Variants in HHLA1 observed in about 807,000 individuals in gnomAD.
HHLA1 encodes HHLA1 neighbor of OC90, also known as HERV-H LTR-associating protein 1.
A neutral mutation model predicts 69.9 loss-of-function variants in HHLA1; 72 were observed. The ratio of observed to expected loss-of-function variants is 1.03; its 90% CI spans 0.85 to 1.25. The LOEUF is 1.25. HHLA1 is among the 50% of genes most tolerant of loss of function. HHLA1 has a pLI of 0.00. For missense variants in HHLA1, 685 were observed against 642.2 expected (o/e 1.07, Z -0.72); for synonymous variants, 252 against 233.2 (o/e 1.08, Z -0.73).
chr8:132,097,843 C>T (rs1373438981), intron 5 of HHLA1, among the ~76,000 whole-genome samples: 1 of 152,184 alleles, frequency 6.6e-6, no homozygotes, highest in African/African-American at 2.4e-5. Context: ...GGGTCAATGT[C>T]TAAGTGAACA....
intron 7 of HHLA1, among the ~76,000 whole-genome samples, chr8:132,091,385 T>G (rs1483601408): frequency 1.3e-5 from 2 of 152,208 alleles, no homozygotes; most frequent in Non-Finnish European, 2.9e-5. Flanking sequence ...TGATGTAACT[T>G]GTCCAAAGTT....
intron 10 of HHLA1, among the ~76,000 whole-genome samples, chr8:132,084,493 C>T (rs1188441377): frequency 6.6e-6 from 1 of 152,006 alleles, no homozygotes; most frequent in Non-Finnish European, 1.5e-5. Context: ...AGACAGTTTG[C>T]CTATTTTACG....
At chr8:132,079,344 T>C (rs1042019637) in intron 11 of HHLA1, among the ~76,000 whole-genome samples, 1 of 152,250 alleles carries the variant, frequency 6.6e-6, no homozygotes, top group Non-Finnish European at 1.5e-5. Flanking sequence ...GCTAAATGCT[T>C]TGCTGAAATA....
chr8:132,072,112 T>C (rs1452702231), intron 14 of HHLA1, among the ~76,000 whole-genome samples: 2 of 152,198 alleles, frequency 1.3e-5, no homozygotes, highest in Admixed American at 1.3e-4. Context: ...GTGAGTTCTG[T>C]GTTTCCATCA....
intron 15 of HHLA1, among the ~76,000 whole-genome samples, chr8:132,068,702 C>A (rs1586722867): frequency 1.3e-5 from 2 of 152,216 alleles, no homozygotes; most frequent in East Asian, 3.9e-4. Flanking sequence ...AGAGCTGCTG[C>A]ACGCACTGTG....
chr8:132,079,680 C>G, intron 11 of HHLA1, 38 bp downstream of exon 11: 1 of 1,505,094 alleles, frequency 6.6e-7, no homozygotes, highest in Non-Finnish European at 8.9e-7. Context: ...AGGAGCGAGA[C>G]ATAGCAAAGG....
intron 7 of HHLA1, among the ~76,000 whole-genome samples, chr8:132,090,860 G>A (rs1009429124): frequency 1.3e-5 from 2 of 149,358 alleles, no homozygotes; most frequent in African/African-American, 2.5e-5. Flanking sequence ...CCAGGTTCAC[G>A]CCATTCTCCT....
intron 16 of HHLA1, 73 bp from the exon 17 acceptor site, chr8:132,064,111 C>G (rs1312799620): frequency 2.0e-6 from 2 of 977,998 alleles, no homozygotes; most frequent in African/African-American, 1.7e-5. Flanking sequence ...AAATTAAACC[C>G]TGATGTCGCC....
intron 1 of HHLA1, among the ~76,000 whole-genome samples, chr8:132,109,956 G>T (rs1163928347): frequency 6.6e-6 from 1 of 152,186 alleles, no homozygotes; most frequent in Non-Finnish European, 1.5e-5. Flanking sequence ...AAATTAATTT[G>T]CAATATGTCT....
chr8:132,089,435 G>T, intron 8 of HHLA1, 81 bp downstream of exon 8: 1 of 776,476 alleles, frequency 1.3e-6, no homozygotes, highest in African/African-American at 1.7e-5. Context: ...GGGTTGGGGT[G>T]AGGAACATAA....
At chr8:132,109,013 G>A (rs953368220) in intron 1 of HHLA1, among the ~76,000 whole-genome samples, 1 of 152,056 alleles carries the variant, frequency 6.6e-6, no homozygotes, top group Non-Finnish European at 1.5e-5. Flanking sequence ...GTTTGTTTTT[G>A]CTTGTTTGTT....
chr8:132,065,789 G>C, intron 16 of HHLA1, 97 bp downstream of exon 16: 1 of 516,386 alleles, frequency 1.9e-6, no homozygotes, highest in Non-Finnish European at 3.5e-6. Context: ...ATGAGCTACA[G>C]CATTCCAAAG....
At chr8:132,102,872 T>G (rs1467840951) in intron 3 of HHLA1, among the ~76,000 whole-genome samples, 7 of 151,920 alleles carry the variant, frequency 4.6e-5, no homozygotes, top group Non-Finnish European at 8.8e-5. Context: ...TTGGGTTGAT[T>G]TTGATAACAA....
At chr8:132,098,237 A>G (rs1394853320) in intron 5 of HHLA1, among the ~76,000 whole-genome samples, 1 of 152,194 alleles carries the variant, frequency 6.6e-6, no homozygotes, top group Non-Finnish European at 1.5e-5. Flanking sequence ...CATACAAATC[A>G]TTTTGCTAGA....
At chr8:132,094,577 A>C (rs1823992729) in intron 7 of HHLA1, among the ~76,000 whole-genome samples, 1 of 152,074 alleles carries the variant, frequency 6.6e-6, no homozygotes. Context: ...TCACATCCTG[A>C]AGGTCACCCC....
intron 10 of HHLA1, among the ~76,000 whole-genome samples, chr8:132,084,697 A>G (rs1823829643): frequency 6.8e-6 from 1 of 148,142 alleles, no homozygotes; most frequent in Non-Finnish European, 1.5e-5. Context: ...AGAAGGAGGA[A>G]TGGAAGGTGG....
rs1295246886 is a variant in HHLA1 at position 132,100,062 on chromosome 8, G to A, written c.199+13C>T. The A allele has an allele frequency of 1.9e-6, 3 of 1,549,984 alleles. No individual in the cohort carries two copies. In the South Asian group the frequency reaches 3.6e-5, roughly 18 times the overall value. ...CCCAGACAACCCAAGGGATTTGGGGGAGCGGCACTCACCCGTCGTAGCAAG... is the reference window on the plus strand; with the variant it reads ...CCCAGACAACCCAAGGGATTTGGGGAAGCGGCACTCACCCGTCGTAGCAAG... On this transcript the variant is annotated intron_variant, in intron 4 of 16. Coordinates refer to ENST00000414222, the MANE Select transcript of HHLA1 (RefSeq NM_001145095.3).
intron 2 of HHLA1, 92 bp downstream of exon 2, chr8:132,105,095 A>G: frequency 1.1e-6 from 1 of 920,644 alleles, no homozygotes; most frequent in Non-Finnish European, 1.7e-6. Flanking sequence ...GATTCTGGGC[A>G]GAAATGTTGG....
At chr8:132,067,516 T>C (rs1381029567) in intron 15 of HHLA1, among the ~76,000 whole-genome samples, 3 of 151,944 alleles carry the variant, frequency 2.0e-5, no homozygotes, top group Admixed American at 1.3e-4. Context: ...GATGTCAAGG[T>C]TGGCCAACTC....
Sources: allele counts gnomAD v4.1 joint callset (sites outside exome capture counted in the v4.1 genomes callset), GRCh38; gene constraint gnomAD v4.1.1; transcripts MANE v1.5; gene names NCBI Gene and HGNC (gene_info 2026-07-23, HGNC 2026-07-21).